The following GFRA1 variants were observed in gnomAD, a reference collection of about 807,000 sequenced individuals.
The protein encoded by GFRA1 is GDNF family receptor alpha-1.
In GFRA1, 16 loss-of-function variants were observed where a neutral mutation model predicts 51.6. The observed-to-expected ratio is 0.31, with a 90% CI of 0.21 to 0.47. The LOEUF is 0.47. Ranked by LOEUF, GFRA1 falls within the 20% of genes least tolerant of loss-of-function variation. The pLI is 1.00. For synonymous variants in GFRA1, 270 were observed against 241.3 expected, an observed-to-expected ratio of 1.12 and a Z score of -1.10; for missense variants, 530 against 594.3, an observed-to-expected ratio of 0.89 and a Z score of 1.13.
chr10:116,209,944 G>A (rs528234512), intron 5 of GFRA1, among the ~76,000 whole-genome samples: 2 of 152,142 alleles, frequency 1.3e-5, no homozygotes, highest in African/African-American at 2.4e-5. Context: ...TTTGAAATCC[G>A]AGTAATACCT....
chr10:116,183,833 G>A (rs908977800), intron 5 of GFRA1, among the ~76,000 whole-genome samples: 8 of 152,210 alleles, frequency 5.3e-5, no homozygotes, highest in Non-Finnish European at 7.3e-5. Context: ...CCTGAAGGCT[G>A]AGAGAGTGTT....
At chr10:116,223,081 C>T (rs778605581) in intron 4 of GFRA1, among the ~76,000 whole-genome samples, 1 of 152,094 alleles carries the variant, frequency 6.6e-6, no homozygotes, top group Non-Finnish European at 1.5e-5. Flanking sequence ...CCCGTGGATA[C>T]TGAGGAATGA....
chr10:116,147,091 T>A (rs114777166), intron 5 of GFRA1, among the ~76,000 whole-genome samples: 1,873 of 152,226 alleles, frequency 0.012, 35 homozygotes, highest in African/African-American at 0.042. Context: ...TGTTAACAAT[T>A]TGATAAAGGT....
chr10:116,224,736 T>G (rs937041880), intron 4 of GFRA1, among the ~76,000 whole-genome samples: 1 of 152,124 alleles, frequency 6.6e-6, no homozygotes, highest in Non-Finnish European at 1.5e-5. Flanking sequence ...AAGGAGGTAA[T>G]GAAAACACTC....
intron 4 of GFRA1, among the ~76,000 whole-genome samples, chr10:116,215,712 G>A (rs1011711378): frequency 1.3e-5 from 2 of 152,128 alleles, no homozygotes; most frequent in East Asian, 1.9e-4. Flanking sequence ...GCCAGTGGCC[G>A]CTCTAGCCAC....
At chr10:116,159,693 A>G (rs989093637) in intron 5 of GFRA1, among the ~76,000 whole-genome samples, 1 of 152,128 alleles carries the variant, frequency 6.6e-6, no homozygotes, top group African/African-American at 2.4e-5. Flanking sequence ...ACAGCCCACC[A>G]TGGACAAGTG....
chr10:116,243,451 A>T (rs1967566213), intron 4 of GFRA1, among the ~76,000 whole-genome samples: 1 of 152,116 alleles, frequency 6.6e-6, no homozygotes, highest in Non-Finnish European at 1.5e-5. Flanking sequence ...GGTAACCGGA[A>T]ATGATACAGG....
chr10:116,072,376 C>T (rs989218550), intron 9 of GFRA1, among the ~76,000 whole-genome samples: 8 of 152,062 alleles, frequency 5.3e-5, no homozygotes, highest in Non-Finnish European at 4.4e-5. Flanking sequence ...GCTTCTATGG[C>T]GAGCTGGCTA....
chr10:116,244,599 G>T (rs1037107339), intron 4 of GFRA1, among the ~76,000 whole-genome samples: 47 of 151,234 alleles, frequency 3.1e-4, no homozygotes, highest in African/African-American at 1.0e-3. Context: ...CAATATATGG[G>T]TTCAACAAAA....
chr10:116,225,970 C>T (rs200118736), intron 4 of GFRA1, among the ~76,000 whole-genome samples: 7 of 152,180 alleles, frequency 4.6e-5, no homozygotes, highest in African/African-American at 1.4e-4. Context: ...TGTCCAATTA[C>T]AGATGTGGCT....
intron 6 of GFRA1, among the ~76,000 whole-genome samples, chr10:116,121,016 T>C (rs534330547): frequency 7.4e-4 from 113 of 152,188 alleles, no homozygotes; most frequent in East Asian, 5.8e-4. Flanking sequence ...GGTTCTTCGA[T>C]GGAAACATGA....
At chr10:116,162,376 T>C (rs557062469) in intron 5 of GFRA1, among the ~76,000 whole-genome samples, 18 of 152,298 alleles carry the variant, frequency 1.2e-4, no homozygotes, top group African/African-American at 4.3e-4. Flanking sequence ...GCCAAAGCCA[T>C]GTTAATGGTG....
At chr10:116,146,042 A>T (rs1484684081) in intron 5 of GFRA1, among the ~76,000 whole-genome samples, 1 of 152,048 alleles carries the variant, frequency 6.6e-6, no homozygotes, top group African/African-American at 2.4e-5. Flanking sequence ...TTGTGTATAA[A>T]TAATATATAG....
At chr10:116,094,842 T>C (rs1268096900) in intron 7 of GFRA1, among the ~76,000 whole-genome samples, 1 of 152,140 alleles carries the variant, frequency 6.6e-6, no homozygotes, top group East Asian at 1.9e-4. Flanking sequence ...CTCCTAACTT[T>C]GGTTGAGAAA....
chr10:116,226,486 AT>A (rs59582433), intron 4 of GFRA1, among the ~76,000 whole-genome samples: 2,824 of 152,270 alleles, frequency 0.019, 47 homozygotes, highest in African/African-American at 0.048. Flanking sequence ...CCGTGAGGGC[AT>A]CCCCCTTTAG....
chr10:116,084,657 C>G (rs1023027507), intron 9 of GFRA1, among the ~76,000 whole-genome samples: 13 of 152,166 alleles, frequency 8.5e-5, no homozygotes, highest in African/African-American at 3.1e-4. Context: ...CGACAAACAC[C>G]ACATTAAGAT....
chr10:116,190,298 A>G (rs1480461321), intron 5 of GFRA1, among the ~76,000 whole-genome samples: 4 of 152,180 alleles, frequency 2.6e-5, no homozygotes, highest in African/African-American at 9.7e-5. Flanking sequence ...TTGAAATCCA[A>G]CTTCTAGAGG....
At chr10:116,125,157 C>G (rs1487427760) in intron 6 of GFRA1, 64 bp downstream of exon 6, 1 of 1,410,764 alleles carries the variant, frequency 7.1e-7, no homozygotes, top group African/African-American at 1.4e-5. Context: ...AGCTTGGCAG[C>G]CGAAGCAGCC....
At chr10:116,271,244 G>C (rs1437413274) in intron 2 of GFRA1, 129 bp from the exon 3 acceptor site, 7 of 686,768 alleles carry the variant, frequency 1.0e-5, no homozygotes, top group Non-Finnish European at 1.7e-5. Context: ...CTCTGGGAGC[G>C]GGTCCACCTC....
Sources: gnomAD v4.1 joint callset for allele counts (sites outside exome capture counted in the v4.1 genomes callset) on GRCh38, gnomAD v4.1.1 for gene constraint, MANE v1.5 for transcripts, NCBI Gene and HGNC (gene_info 2026-07-23, HGNC 2026-07-21) for gene names.